ANXA13: variants seen among roughly 807,000 people sequenced by gnomAD.
ANXA13 encodes annexin A13.
A neutral mutation model predicts 46.6 loss-of-function variants in ANXA13; 36 were observed. The ratio of observed to expected loss-of-function variants is 0.77; its 90% CI spans 0.59 to 1.02. The LOEUF is 1.02. ANXA13 is among the 50% of genes least tolerant of loss of function. ANXA13 has a pLI of 0.00. For missense variants in ANXA13, 417 were observed against 396.5 expected (o/e 1.05, Z -0.44); for synonymous variants, 163 against 152.9 (o/e 1.07, Z -0.49).
intron 9 of ANXA13, among the ~76,000 whole-genome samples, chr8:123,685,265 G>T (rs1813120034): frequency 6.6e-6 from 1 of 152,154 alleles, no homozygotes; most frequent in Non-Finnish European, 1.5e-5. Context: ...TCCGGGATGT[G>T]GACTTGATGA....
At chr8:123,730,943 C>T (rs1431277187) in intron 1 of ANXA13, among the ~76,000 whole-genome samples, 1 of 152,136 alleles carries the variant, frequency 6.6e-6, no homozygotes, top group East Asian at 1.9e-4. Flanking sequence ...TGGTGCTAAC[C>T]CGGGTTTCAA....
intron 9 of ANXA13, among the ~76,000 whole-genome samples, chr8:123,686,935 A>G (rs17256536): frequency 0.35 from 52,843 of 151,976 alleles, 9,402 homozygotes; most frequent in Middle Eastern, 0.39. Flanking sequence ...TTTTTTCGCT[A>G]CCACTGGAGT....
rs1813388650 is a variant in ANXA13, at chr8:123,698,560, CTA to C, written c.187-3_187-2del. The C allele has an allele frequency of 3.1e-6, 5 of 1,613,808 alleles. No individual in the cohort carries two copies. In the Admixed American group the frequency reaches 8.3e-5, roughly 27 times the overall value. On this transcript the variant is annotated splice_acceptor_variant and splice_polypyrimidine_tract_variant and intron_variant, in intron 3 of 10. Transcript: ENST00000419625. LOFTEE classifies it high-confidence loss of function. ...CACTCTTGAGTACTTCCTCCAGCTC[CTA>C]CCAGAAGACAGTGAGAGACGTGCTG...
At chr8:123,697,702 A>G (rs1813368115) in intron 4 of ANXA13, among the ~76,000 whole-genome samples, 1 of 152,252 alleles carries the variant, frequency 6.6e-6, no homozygotes, top group African/African-American at 2.4e-5. Flanking sequence ...TTCTGCTGTC[A>G]TGTGTGGTTG....
At chr8:123,721,784 G>A (rs932803532) in intron 1 of ANXA13, among the ~76,000 whole-genome samples, 1 of 152,140 alleles carries the variant, frequency 6.6e-6, no homozygotes, top group Non-Finnish European at 1.5e-5. Context: ...TGCCGGGCAT[G>A]GGTCCAGACC....
At chr8:123,695,026 C>T (rs1217041313) in intron 6 of ANXA13, among the ~76,000 whole-genome samples, 3 of 152,044 alleles carry the variant, frequency 2.0e-5, no homozygotes, top group Non-Finnish European at 4.4e-5. Flanking sequence ...ATTCTGAAAG[C>T]CCTGATGTCC....
At chr8:123,715,958 A>G (rs1813752100) in intron 1 of ANXA13, among the ~76,000 whole-genome samples, 1 of 152,222 alleles carries the variant, frequency 6.6e-6, no homozygotes, top group African/African-American at 2.4e-5. Flanking sequence ...GCCCAAGACC[A>G]AAAAACCTAG....
intron 1 of ANXA13, among the ~76,000 whole-genome samples, chr8:123,724,416 A>G (rs1470664805): frequency 6.6e-6 from 1 of 152,236 alleles, no homozygotes; most frequent in East Asian, 1.9e-4. Flanking sequence ...ACAGGGATAT[A>G]TCAGGTATAA....
At chr8:123,693,370 G>T in intron 7 of ANXA13, 72 bp from the exon 8 acceptor site, 2 of 1,333,390 alleles carry the variant, frequency 1.5e-6, no homozygotes, top group Non-Finnish European at 2.1e-6. Flanking sequence ...CTGTGACTAG[G>T]CCTCACTGAC....
rs143044659 is a variant in ANXA13, at chr8:123,710,430, C to T, written c.91+2248G>A. Among the ~76,000 whole-genome samples the T allele has an allele frequency of 3.8e-3, 583 of 152,246 alleles. 5 individuals carry two copies. Among genetic ancestry groups the T allele is most frequent in the African/African-American group, 0.013 (540 of 41,540 alleles). On this transcript the variant is annotated intron_variant, in intron 2 of 10. Coordinates refer to ENST00000419625, the MANE Select transcript of ANXA13 (RefSeq NM_004306.4). ...ATGTTCTGGAATAAGTGGAGATGGTCGCAAAATCCTGTGAATATACTAAAA... is the reference window on the plus strand; with the variant it reads ...ATGTTCTGGAATAAGTGGAGATGGTTGCAAAATCCTGTGAATATACTAAAA...
At chr8:123,697,324 G>A (rs1160934375) in intron 4 of ANXA13, among the ~76,000 whole-genome samples, 1 of 152,200 alleles carries the variant, frequency 6.6e-6, no homozygotes, top group African/African-American at 2.4e-5. Context: ...GATGCTGAGT[G>A]GGGGAAGTTG....
At chr8:123,731,103 G>C (rs1257350362) in intron 1 of ANXA13, among the ~76,000 whole-genome samples, 1 of 152,186 alleles carries the variant, frequency 6.6e-6, no homozygotes, top group Non-Finnish European at 1.5e-5. Context: ...TGGAAGGCTT[G>C]TTCAGATGCA....
At chr8:123,716,036 A>T (rs763438531) in intron 1 of ANXA13, among the ~76,000 whole-genome samples, 1 of 152,042 alleles carries the variant, frequency 6.6e-6, no homozygotes, top group Non-Finnish European at 1.5e-5. Context: ...GTGTTGAGTC[A>T]TGTGCTATGA....
chr8:123,694,863 G>T (rs1255790035), intron 6 of ANXA13, among the ~76,000 whole-genome samples: 1 of 152,154 alleles, frequency 6.6e-6, no homozygotes, highest in Non-Finnish European at 1.5e-5. Flanking sequence ...CTGCTGCAGT[G>T]GAAGCCTCTC....
intron 8 of ANXA13, among the ~76,000 whole-genome samples, chr8:123,691,573 T>C (rs907820361): frequency 5.9e-5 from 9 of 152,188 alleles, no homozygotes; most frequent in Non-Finnish European, 1.2e-4. Context: ...ATTAACCCTA[T>C]GAAGTAGGTA....
At chr8:123,703,343 T>G (rs1004830053) in intron 2 of ANXA13, among the ~76,000 whole-genome samples, 18 of 132,322 alleles carry the variant, frequency 1.4e-4, no homozygotes, top group South Asian at 2.4e-4. Context: ...TGGCTGGGGG[T>G]GGGTGGGCTG....
chr8:123,727,977 G>A (rs888373102), intron 1 of ANXA13: 2 of 152,164 alleles, frequency 1.3e-5, no homozygotes, highest in Non-Finnish European at 2.9e-5. Context: ...TAGGAGGAAG[G>A]TGTGAGCTGA....
At chr8:123,726,378 C>T (rs970821) in intron 1 of ANXA13, among the ~76,000 whole-genome samples, 55,118 of 152,102 alleles carry the variant, frequency 0.36, 10,347 homozygotes, top group South Asian at 0.48. Flanking sequence ...CTTCAATATG[C>T]TGTGCCTTAA....
At chr8:123,702,789 A>G in intron 2 of ANXA13, 53 bp from the exon 3 acceptor site, 2 of 1,517,238 alleles carry the variant, frequency 1.3e-6, no homozygotes, top group East Asian at 4.5e-5. Context: ...ACAAGGTGGA[A>G]GTTTATTTTA....
Sources: allele counts gnomAD v4.1 joint callset (sites outside exome capture counted in the v4.1 genomes callset), GRCh38; gene constraint gnomAD v4.1.1; transcripts MANE v1.5; gene names NCBI Gene and HGNC (gene_info 2026-07-23, HGNC 2026-07-21).